Variants in ALDH5A1 observed in about 807,000 individuals in gnomAD.
ALDH5A1 encodes aldehyde dehydrogenase 5 family member A1, also known as succinate-semialdehyde dehydrogenase, mitochondrial.
Under a neutral mutation model 54.7 loss-of-function variants are expected in ALDH5A1, and 33 were observed. The ratio of observed to expected loss-of-function variants is 0.60; its 90% CI spans 0.46 to 0.81. The LOEUF (loss-of-function observed/expected upper bound fraction) is 0.81. Among genes scored for constraint, ALDH5A1 ranks in the 30% least tolerant of loss-of-function variants. The pLI, the probability that ALDH5A1 is intolerant of heterozygous loss-of-function variation, is 0.00. For missense variants in ALDH5A1, 657 were observed against 711.0 expected, an observed-to-expected ratio of 0.92 and a Z score of 0.86; for synonymous variants, 294 against 292.7, an observed-to-expected ratio of 1.00 and a Z score of -0.05.
At chr6:24,502,308 A>G (rs1764836085) in intron 1 of ALDH5A1, among the ~76,000 whole-genome samples, 1 of 152,182 alleles carries the variant, frequency 6.6e-6, no homozygotes, top group African/African-American at 2.4e-5. Context: ...ACTGATTCAA[A>G]TGCTAATCTC....
Position 24,499,976 on chromosome 6 carries a change from C to CTGTGTGTGTG in ALDH5A1, c.355-2541_355-2532dup, listed in dbSNP as rs111245798. On this transcript the variant is annotated intron_variant, in intron 1 of 9. Coordinates refer to ENST00000357578, the MANE Select transcript of ALDH5A1 (RefSeq NM_001080.3). ...GCCCAGCCCCACACTCAGATAATTTCTGTGTGTGTGTGTGTAGAGACAGAT... is the reference window on the plus strand; with the variant it reads ...GCCCAGCCCCACACTCAGATAATTTCTGTGTGTGTGTGTGTGTGTGTGTGTAGAGACAGAT... 4.6e-4 allele frequency among the ~76,000 whole-genome samples: 70 copies of CTGTGTGTGTG among 151,330 alleles called. 1 individual carries two copies. Among genetic ancestry groups the CTGTGTGTGTG allele is most frequent in the African/African-American group, 1.5e-3 (62 of 41,232 alleles).
intron 7 of ALDH5A1, among the ~76,000 whole-genome samples, chr6:24,524,110 C>G (rs538786969): frequency 1.1e-4 from 16 of 151,874 alleles, no homozygotes; most frequent in Non-Finnish European, 1.5e-4. Flanking sequence ...CTCAGCCTCC[C>G]GAGTAGCTGG....
intron 7 of ALDH5A1, among the ~76,000 whole-genome samples, chr6:24,526,971 T>A (rs1430437944): frequency 4.7e-3 from 34 of 7,262 alleles, no homozygotes; most frequent in Admixed American, 0.012. Context: ...TATATGTGTG[T>A]GTGTATATAT....
intron 7 of ALDH5A1, among the ~76,000 whole-genome samples, chr6:24,526,923 ATATCTAC>A (rs1759814632): frequency 1.5e-5 from 2 of 129,458 alleles, no homozygotes; most frequent in South Asian, 2.3e-4. Flanking sequence ...TATTCTATAT[ATATCTAC>A]TATATATTCT....
intron 5 of ALDH5A1, among the ~76,000 whole-genome samples, chr6:24,516,509 A>G (rs1489082724): frequency 6.6e-6 from 1 of 151,868 alleles, no homozygotes; most frequent in Non-Finnish European, 1.5e-5. Context: ...AAGAGAAAAA[A>G]TCAAGGTGGA....
intron 6 of ALDH5A1, 67 bp from the exon 7 acceptor site, chr6:24,522,700 A>G: frequency 1.3e-6 from 2 of 1,582,868 alleles, no homozygotes; most frequent in Non-Finnish European, 1.7e-6. Flanking sequence ...GGTAGCAGCC[A>G]CACGTTCACT....
In ALDH5A1 at chr6:24,525,042, G is replaced by A. The variant is rs80148733; in HGVS notation, c.1173+2117G>A. On this transcript the variant is annotated intron_variant, in intron 7 of 9. Transcript: ENST00000357578. ...AGGACTTCAAACAAGCAGACAGCGA[G>A]ATTTCTTTTTTGCTGGAGAGAAATT... is the stretch of plus-strand genomic sequence containing the variant. Among the ~76,000 whole-genome samples, 341 of 152,268 alleles carry A rather than the reference G, an allele frequency of 2.2e-3. 3 individuals are homozygous for A. Among genetic ancestry groups the A allele is most frequent in the African/African-American group, 7.7e-3 (321 of 41,556 alleles).
Position 24,536,123 on chromosome 6 carries a change from A to G in ALDH5A1, c.*2411A>G, listed in dbSNP as rs1450396079. ...TGAACGTTTTTGTTGTTTTTTAAAT[A>G]AAGTAGCCATATGTAACGGGATTTT... On this transcript the variant is annotated 3_prime_UTR_variant, in exon 10 of 10. Coordinates refer to ENST00000357578, the MANE Select transcript of ALDH5A1 (RefSeq NM_001080.3). 2 of 152,250 alleles carry G rather than the reference A, an allele frequency of 1.3e-5. No homozygotes were observed. Among genetic ancestry groups the G allele is most frequent in the Non-Finnish European group, 2.9e-5 (2 of 68,046 alleles). 9.4% of individuals were successfully genotyped at this position (152,250 alleles called of 1,614,324 possible). A position where few individuals can be genotyped will look rare whatever the true frequency, so the allele number is the denominator to read the frequency against.
intron 8 of ALDH5A1, among the ~76,000 whole-genome samples, chr6:24,528,583 C>A (rs1252217991): frequency 1.3e-5 from 2 of 150,514 alleles, no homozygotes; most frequent in African/African-American, 4.9e-5. Context: ...AGGCTGGTCT[C>A]GAACTCCTGA....
At chr6:24,529,892 G>A (rs368468344) in intron 8 of ALDH5A1, among the ~76,000 whole-genome samples, 3 of 151,524 alleles carry the variant, frequency 2.0e-5, no homozygotes, top group East Asian at 3.9e-4. Context: ...GGATGGTCTC[G>A]AACTCCTGAC....
chr6:24,515,345 T>C lies in ALDH5A1; in HGVS notation c.870+35T>C, dbSNP rs202042135. 167 of 1,605,576 alleles carry C rather than the reference T, an allele frequency of 1.0e-4. 1 individual carries two copies. The Middle Eastern group carries it at 1.7e-3, about 16-fold the overall frequency. Reference sequence around the variant, plus strand: ...TCAAGTTTCAAAGAAAACAAATGTCTTTCTAATATTTTATCTTGATAGGTT... The same window carrying C: ...TCAAGTTTCAAAGAAAACAAATGTCCTTCTAATATTTTATCTTGATAGGTT... On this transcript the variant is annotated intron_variant, in intron 5 of 9. Coordinates refer to ENST00000357578, the MANE Select transcript of ALDH5A1 (RefSeq NM_001080.3).
In ALDH5A1 at chr6:24,504,802, A is replaced by G. The variant is rs2744583; in HGVS notation, c.610-67A>G. The G allele has an allele frequency of 0.47, 684,829 of 1,446,110 alleles. 165,862 individuals are homozygous for G. The highest frequency in any genetic ancestry group is 0.52 in the African/African-American group (37,228 of 71,462). The allele number at this position is 1,446,110 out of a possible 1,614,324, so 89.6% of individuals were successfully genotyped here. The stretch of plus-strand genomic sequence containing the variant: ...GAAATTTGTTCACTGACTTCCCAAC[A>G]TGCCTTCCTTTGCACTAAGGAGGTG... On this transcript the variant is annotated intron_variant, in intron 3 of 9. Transcript: ENST00000357578.
chr6:24,513,098 G>T, intron 4 of ALDH5A1, among the ~76,000 whole-genome samples: 1 of 148,918 alleles, frequency 6.7e-6, no homozygotes, highest in African/African-American at 2.5e-5. Context: ...TTTTTCTTGA[G>T]ACAGAGGCTG....
rs1759213065 is a variant in ALDH5A1, at chr6:24,502,432, CA to C, written c.355-90del. On this transcript the variant is annotated intron_variant, in intron 1 of 9. Transcript: ENST00000357578. The stretch of plus-strand genomic sequence containing the variant: ...TACAACCAAGGAGAATGAGACCATA[CA>C]GCTAATATTTTAGGATATTGAATTT... The C allele has an allele frequency of 2.7e-5, 27 of 1,001,224 alleles. No individual in the cohort carries two copies. In the South Asian group the frequency reaches 3.2e-4, roughly 12 times the overall value. The allele number at this position is 1,001,224 out of a possible 1,614,324, so 62.0% of individuals were successfully genotyped here. A position where few individuals can be genotyped will look rare whatever the true frequency, so the allele number is the denominator to read the frequency against.
chr6:24,532,525 C>T (rs1759957033), intron 9 of ALDH5A1, among the ~76,000 whole-genome samples: 1 of 152,124 alleles, frequency 6.6e-6, no homozygotes, highest in Non-Finnish European at 1.5e-5. Context: ...TTTTGCGTGG[C>T]TCCTGTAAGC....
chr6:24,499,332 G>C (rs536636389), intron 1 of ALDH5A1, among the ~76,000 whole-genome samples: 1 of 152,272 alleles, frequency 6.6e-6, no homozygotes, highest in African/African-American at 2.4e-5. Context: ...GAATACACCT[G>C]TGCAGATGTG....
rs553384589 is a variant in ALDH5A1, at chr6:24,522,916, G to C, written c.1164G>C (p.Ala388=). 43 of 1,611,932 alleles carry C rather than the reference G, an allele frequency of 2.7e-5. No individual in the cohort carries two copies. The highest frequency in any genetic ancestry group is 3.4e-5 in the Non-Finnish European group (40 of 1,178,784). ...TTQGPLINEK[A]VEKVEKQVND... ...AGGGCCCATTAATTAATGAAAAAGC[G>C]GTAGAAAAGGTAAGTATATTGTATT... The change falls in exon 7 of 10, where the codon GCG becomes GCC. Residue 388 remains alanine (A), a synonymous_variant. Coordinates refer to ENST00000357578, the MANE Select transcript of ALDH5A1 (RefSeq NM_001080.3).
Position 24,518,110 on chromosome 6 carries a change from T to C in ALDH5A1, c.871-2291T>C, listed in dbSNP as rs1419794431. 6.6e-6 allele frequency among the ~76,000 whole-genome samples: 1 copy of C among 152,212 alleles called. No homozygotes were observed. The highest frequency in any genetic ancestry group is 1.5e-5 in the Non-Finnish European group (1 of 68,032). ...GGTGGGCTAGGTCAGGGCCTTTTCC[T>C]CTAGGAATTCCCCTCTCCTTCACTA... is the stretch of plus-strand genomic sequence containing the variant. On this transcript the variant is annotated intron_variant, in intron 5 of 9. Coordinates refer to ENST00000357578, the MANE Select transcript of ALDH5A1 (RefSeq NM_001080.3). The surrounding 1 kb of genome is among the most constrained non-coding windows in gnomAD (Gnocchi z 4.2).
chr6:24,499,438 G>A (rs373599676), intron 1 of ALDH5A1, among the ~76,000 whole-genome samples: 23 of 151,182 alleles, frequency 1.5e-4, no homozygotes, highest in African/African-American at 4.9e-4. Context: ...CTTTTTTTAA[G>A]TGGTTTTATG....
Sources: gnomAD v4.1 joint callset for allele counts (sites outside exome capture counted in the v4.1 genomes callset) on GRCh38, gnomAD v4.1.1 for gene constraint, Gnocchi (gnomAD v3.1) non-coding constraint, MANE v1.5 for transcripts, NCBI Gene and HGNC (gene_info 2026-07-23, HGNC 2026-07-21) for gene names.